The following SVEP1 variants were observed in gnomAD, a reference collection of about 807,000 sequenced individuals.
SVEP1 encodes the protein sushi, von Willebrand factor type A, EGF and pentraxin domain-containing protein 1.
In SVEP1, 164 loss-of-function variants were observed where a neutral mutation model predicts 367.3. The ratio of observed to expected loss-of-function variants is 0.45; its 90% CI spans 0.39 to 0.51. SVEP1 has a LOEUF of 0.51. Among genes scored for constraint, SVEP1 ranks in the 20% least tolerant of loss-of-function variants. The pLI, the probability that SVEP1 is intolerant of heterozygous loss-of-function variation, is 0.00. For missense variants in SVEP1, 4,117 were observed against 4,425.3 expected, an observed-to-expected ratio of 0.93 and a Z score of 1.98; for synonymous variants, 1,666 against 1,611.6, an observed-to-expected ratio of 1.03 and a Z score of -0.81.
chr9:110,557,595 A>G (rs1164608479), intron 1 of SVEP1, among the ~76,000 whole-genome samples: 2 of 151,562 alleles, frequency 1.3e-5, no homozygotes, highest in Non-Finnish European at 2.9e-5. Flanking sequence ...GAAAATTTTC[A>G]AAGAAGCCAG....
intron 13 of SVEP1, among the ~76,000 whole-genome samples, chr9:110,476,832 C>CTTCA: frequency 6.6e-6 from 1 of 152,264 alleles, no homozygotes; most frequent in African/African-American, 2.4e-5. Flanking sequence ...GGGGGCAGGC[C>CTTCA]TGAAGGTGGA....
intron 3 of SVEP1, among the ~76,000 whole-genome samples, chr9:110,516,147 A>AAACTAG (rs1564164999): frequency 3.9e-3 from 228 of 58,180 alleles, no homozygotes; most frequent in African/African-American, 0.016. Context: ...ACTAAAACTA[A>AAACTAG]AATATAATAT....
intron 41 of SVEP1, among the ~76,000 whole-genome samples, chr9:110,387,698 T>C (rs539407540): frequency 6.6e-6 from 1 of 152,292 alleles, no homozygotes; most frequent in Non-Finnish European, 1.5e-5. Context: ...TTATGTATTA[T>C]TAATAATGCT....
chr9:110,502,945 G>T (rs1829559012), intron 6 of SVEP1, 93 bp downstream of exon 6: 3 of 1,334,382 alleles, frequency 2.2e-6, no homozygotes, highest in Non-Finnish European at 3.1e-6. Context: ...CTCATTACCA[G>T]CTAGTGTTTA....
intron 4 of SVEP1, 46 bp from the exon 5 acceptor site, chr9:110,513,151 T>G: frequency 6.5e-7 from 1 of 1,539,976 alleles, no homozygotes; most frequent in Non-Finnish European, 8.8e-7. Flanking sequence ...TAGCCTTTTG[T>G]CTATGACATA....
chr9:110,443,781 G>A (rs991793138), intron 26 of SVEP1, 61 bp from the exon 27 acceptor site: 4 of 1,362,920 alleles, frequency 2.9e-6, no homozygotes, highest in East Asian at 2.6e-5. Flanking sequence ...TCCTTACTGT[G>A]GGGCATGCTA....
At chr9:110,503,253 T>G in intron 5 of SVEP1, 36 bp from the exon 6 acceptor site, 1 of 1,566,478 alleles carries the variant, frequency 6.4e-7, no homozygotes, top group Non-Finnish European at 8.6e-7. Flanking sequence ...CACATTTTGC[T>G]AAATAAGGAT....
chr9:110,425,258 T>TAG (rs1385374066), intron 36 of SVEP1, among the ~76,000 whole-genome samples: 1 of 152,216 alleles, frequency 6.6e-6, no homozygotes, highest in Non-Finnish European at 1.5e-5. Flanking sequence ...CTAGCTCAGA[T>TAG]AGCTTCCCCA....
At chr9:110,383,267 CTGTTGT>C (rs1206331573) in intron 43 of SVEP1, among the ~76,000 whole-genome samples, 2 of 147,244 alleles carry the variant, frequency 1.4e-5, no homozygotes, top group South Asian at 2.1e-4. Context: ...TTGTTGATGG[CTGTTGT>C]TGTTGTTGCT....
chr9:110,387,530 C>CAAAG, intron 41 of SVEP1, 72 bp from the exon 42 acceptor site: 1 of 1,414,724 alleles, frequency 7.1e-7, no homozygotes, highest in Non-Finnish European at 9.4e-7. Flanking sequence ...CTATGATTGC[C>CAAAG]AAAGATATTT....
intron 40 of SVEP1, among the ~76,000 whole-genome samples, chr9:110,390,943 C>T (rs1827645449): frequency 6.6e-6 from 1 of 152,098 alleles, no homozygotes; most frequent in South Asian, 2.1e-4. Context: ...TAAGCCCCAC[C>T]CCTTCCATGA....
chr9:110,390,341 T>TTATA, intron 40 of SVEP1, among the ~76,000 whole-genome samples: 1,837 of 28,666 alleles, frequency 0.064, 278 homozygotes, highest in Middle Eastern at 0.17. Flanking sequence ...ATACACATAC[T>TTATA]TATATACACT....
intron 10 of SVEP1, among the ~76,000 whole-genome samples, chr9:110,483,270 A>C (rs1829224725): frequency 6.6e-6 from 1 of 152,174 alleles, no homozygotes; most frequent in Admixed American, 6.5e-5. Flanking sequence ...TGCCGATAAA[A>C]TGCATGGTTT....
At chr9:110,488,974 G>C (rs57291828) in intron 9 of SVEP1, among the ~76,000 whole-genome samples, 4,270 of 152,248 alleles carry the variant, frequency 0.028, 189 homozygotes, top group African/African-American at 0.097. Flanking sequence ...TGGTGACTTT[G>C]ATGACAGTAG....
At chr9:110,415,422 T>C (rs1450095996) in intron 36 of SVEP1, among the ~76,000 whole-genome samples, 2 of 152,018 alleles carry the variant, frequency 1.3e-5, no homozygotes, top group Non-Finnish European at 2.9e-5. Context: ...TGGTCTGTGC[T>C]AGGCAGCCCC....
At chr9:110,486,734 G>T (rs1051777235) in intron 9 of SVEP1, among the ~76,000 whole-genome samples, 3 of 150,298 alleles carry the variant, frequency 2.0e-5, no homozygotes, top group Non-Finnish European at 4.4e-5. Flanking sequence ...TGCAACCTCC[G>T]TCTCCCGGAT....
intron 39 of SVEP1, among the ~76,000 whole-genome samples, chr9:110,403,494 G>A (rs1049887626): frequency 1.3e-5 from 2 of 151,416 alleles, no homozygotes; most frequent in South Asian, 2.1e-4. Flanking sequence ...TAGTAGAGAC[G>A]GGGTTTCACT....
chr9:110,408,476 A>C lies in SVEP1; in HGVS notation c.7124T>G (p.Val2375Gly). ...PSQQWNDSFP[V>G]CKIVLCTPPP... is the part of the protein sequence containing the mutation. ...TGGGGTACAAAGAACAATCTTACAA[A>C]CAGGGAAAGAGTCATTCCATTGCTG... Residue 2375 changes from valine (V) to glycine (G), a missense_variant, in exon 38 of 48, where the codon GTT becomes GGT. Val to Gly is a moderately radical substitution (Grantham distance 109). Around this residue, in one of 4 missense-constraint regions of SVEP1, gnomAD observed 1,765 missense variants for 1,781.1 expected, o/e 0.99. Transcript: ENST00000374469. The C allele has an allele frequency of 6.2e-7, 1 of 1,613,990 alleles. No homozygotes were observed. The highest frequency in any genetic ancestry group is 2.2e-5 in the East Asian group (1 of 44,888).
At position 110,390,552 on chromosome 9, in the gene SVEP1, G is replaced by T. The variant is rs75563875; in HGVS notation, c.9823-965C>A. ...TACAATCTAAAAATGCAAACCCCCA[G>T]AAACTATTTGGTTCACATGATCTTG... On this transcript the variant is annotated intron_variant, in intron 40 of 47. Transcript: ENST00000374469. 4.0e-3 allele frequency among the ~76,000 whole-genome samples: 597 copies of T among 151,138 alleles called. 30 individuals are homozygous for T. The East Asian group carries it at 0.11, about 28-fold the overall frequency.
Sources: allele counts gnomAD v4.1 joint callset (sites outside exome capture counted in the v4.1 genomes callset), GRCh38; gene constraint gnomAD v4.1.1; regional missense constraint gnomAD v4.1.1; transcripts MANE v1.5; gene names NCBI Gene and HGNC (gene_info 2026-07-23, HGNC 2026-07-21).